The following NELL2 variants were observed in gnomAD, a reference collection of about 807,000 sequenced individuals.
The protein encoded by NELL2 is protein kinase C-binding protein NELL2.
Under a neutral mutation model 109.6 loss-of-function variants are expected in NELL2, and 41 were observed. The ratio of observed to expected loss-of-function variants is 0.37; its 90% CI spans 0.29 to 0.49. NELL2 has a LOEUF of 0.49. NELL2 is among the 20% of genes least tolerant of loss of function. The pLI is 0.98. For missense variants in NELL2, 900 were observed against 1,008.3 expected, an observed-to-expected ratio of 0.89 and a Z score of 1.45; for synonymous variants, 355 against 344.7, an observed-to-expected ratio of 1.03 and a Z score of -0.33.
At chr12:44,816,831 C>T (rs1041288551) in intron 2 of NELL2, among the ~76,000 whole-genome samples, 2 of 152,106 alleles carry the variant, frequency 1.3e-5, no homozygotes, top group Non-Finnish European at 2.9e-5. Flanking sequence ...CCTGAACTTC[C>T]GCATGTTTTA....
At chr12:44,675,418 A>G (rs1413863128) in intron 12 of NELL2, among the ~76,000 whole-genome samples, 1 of 152,170 alleles carries the variant, frequency 6.6e-6, no homozygotes, top group East Asian at 1.9e-4. Context: ...ATTCTACCAC[A>G]TTTAAAAAGC....
At chr12:44,804,634 G>A (rs1005656077) in intron 3 of NELL2, among the ~76,000 whole-genome samples, 1 of 151,842 alleles carries the variant, frequency 6.6e-6, no homozygotes, top group Non-Finnish European at 1.5e-5. Context: ...TTAAGCAACT[G>A]ATCAAGGGCT....
chr12:44,670,384 T>C (rs767050566), intron 12 of NELL2, among the ~76,000 whole-genome samples: 1 of 151,794 alleles, frequency 6.6e-6, no homozygotes, highest in African/African-American at 2.4e-5. Flanking sequence ...CCCCATCAAA[T>C]TGTAAAGTAA....
intron 1 of NELL2, among the ~76,000 whole-genome samples, chr12:44,900,131 A>G (rs2136879782): frequency 6.6e-6 from 1 of 152,332 alleles, no homozygotes; most frequent in South Asian, 2.1e-4. Context: ...AGAGACCTAC[A>G]AAGAGACTTA....
chr12:44,912,138 A>G (rs1455040199), intron 1 of NELL2, among the ~76,000 whole-genome samples: 2 of 152,008 alleles, frequency 1.3e-5, no homozygotes, highest in Non-Finnish European at 2.9e-5. Flanking sequence ...ATCTAAAAGA[A>G]TGAAAATGCA....
At chr12:44,668,308 A>G (rs911972348) in intron 12 of NELL2, among the ~76,000 whole-genome samples, 1 of 152,122 alleles carries the variant, frequency 6.6e-6, no homozygotes, top group Non-Finnish European at 1.5e-5. Context: ...GGTCACTGCC[A>G]ATGACAACGA....
intron 12 of NELL2, among the ~76,000 whole-genome samples, chr12:44,680,508 T>G (rs1217945599): frequency 1.3e-5 from 2 of 152,168 alleles, no homozygotes; most frequent in East Asian, 1.9e-4. Flanking sequence ...TTTTTTGAAT[T>G]TAAAGTAAAA....
chr12:44,686,757 A>C (rs539399663), intron 12 of NELL2, among the ~76,000 whole-genome samples: 3 of 152,102 alleles, frequency 2.0e-5, no homozygotes, highest in Non-Finnish European at 4.4e-5. Flanking sequence ...CCACTTGAGG[A>C]GGCAGTCTGT....
chr12:44,898,469 T>C (rs1945620731), intron 1 of NELL2, among the ~76,000 whole-genome samples: 2 of 152,206 alleles, frequency 1.3e-5, no homozygotes, highest in South Asian at 2.1e-4. Flanking sequence ...AAACAGGATC[T>C]GGAGAGAACA....
At chr12:44,648,930 G>GTGTGTGTGTGTGTA (rs1947201963) in intron 13 of NELL2, among the ~76,000 whole-genome samples, 1 of 148,992 alleles carries the variant, frequency 6.7e-6, no homozygotes, top group Non-Finnish European at 1.5e-5. Flanking sequence ...GTGTGTGTGT[G>GTGTGTGTGTGTGTA]TGTGTGTGTG....
chr12:44,512,054 A>T (rs1669167806), intron 19 of NELL2, among the ~76,000 whole-genome samples: 1 of 152,222 alleles, frequency 6.6e-6, no homozygotes, highest in African/African-American at 2.4e-5. Flanking sequence ...CAACTTGCAG[A>T]ATGGAAGAAA....
intron 2 of NELL2, 122 bp downstream of exon 2, chr12:44,875,103 A>G: frequency 7.5e-7 from 1 of 1,336,304 alleles, no homozygotes; most frequent in South Asian, 1.5e-5. Flanking sequence ...TGGCCCTTCT[A>G]CACCTCAGCT....
intron 19 of NELL2, among the ~76,000 whole-genome samples, chr12:44,519,212 C>T (rs1941412079): frequency 6.6e-6 from 1 of 152,172 alleles, no homozygotes; most frequent in African/African-American, 2.4e-5. Context: ...TTAGTTGTTA[C>T]TGTTAAGCCT....
At chr12:44,598,883 A>ACACACACACT (rs1265603008) in intron 15 of NELL2, among the ~76,000 whole-genome samples, 9 of 143,938 alleles carry the variant, frequency 6.3e-5, no homozygotes, top group Admixed American at 1.4e-4. Flanking sequence ...ACACACACAC[A>ACACACACACT]CTCTCTCTCT....
At chr12:44,913,900 A>G in exon 1 of NELL2, 1 of 514,708 alleles carries the variant, frequency 1.9e-6, no homozygotes, top group Non-Finnish European at 3.2e-6. Context: ...CATCTTCCTT[A>G]TTTCAGTAAA....
chr12:44,528,351 T>C (rs1941899689), intron 16 of NELL2, among the ~76,000 whole-genome samples: 2 of 152,128 alleles, frequency 1.3e-5, no homozygotes, highest in African/African-American at 2.4e-5. Flanking sequence ...TAATGTGTTA[T>C]TTTGATGTTT....
chr12:44,700,392 C>A (rs974848049), intron 12 of NELL2, among the ~76,000 whole-genome samples: 1 of 152,140 alleles, frequency 6.6e-6, no homozygotes, highest in African/African-American at 2.4e-5. Context: ...TTAGCTGTCC[C>A]TTGTTCTTAA....
intron 3 of NELL2, among the ~76,000 whole-genome samples, chr12:44,791,183 C>CATATAT (rs748283455): frequency 0.035 from 523 of 15,034 alleles, 71 homozygotes; most frequent in Non-Finnish European, 0.044. Flanking sequence ...AGTATTCCAT[C>CATATAT]ATATATATAT....
At chr12:44,550,069 GA>G (rs1228813540) in intron 15 of NELL2, among the ~76,000 whole-genome samples, 2 of 152,056 alleles carry the variant, frequency 1.3e-5, no homozygotes, top group Non-Finnish European at 2.9e-5. Flanking sequence ...ACAGAATAGA[GA>G]GTCCAGAAAT....
Sources: allele counts gnomAD v4.1 joint callset (sites outside exome capture counted in the v4.1 genomes callset), GRCh38; gene constraint gnomAD v4.1.1; transcripts MANE v1.5; gene names NCBI Gene and HGNC (gene_info 2026-07-23, HGNC 2026-07-21).